PAX6: variants seen among roughly 807,000 people sequenced by gnomAD.
PAX6 encodes paired box 6, also known as paired box protein Pax-6.
Under a neutral mutation model 60.7 loss-of-function variants are expected in PAX6, and 7 were observed. That is an observed-to-expected ratio of 0.12 (90% CI 0.07 to 0.22). The LOEUF (loss-of-function observed/expected upper bound fraction) is 0.22. PAX6 is among the 10% of genes least tolerant of loss of function. PAX6 has a pLI of 1.00. For synonymous variants in PAX6, 208 were observed against 201.2 expected (o/e 1.03, Z -0.29); for missense variants, 355 against 555.2 (o/e 0.64, Z 3.62).
chr11:31,792,476 G>A (rs1338461961), intron 12 of PAX6: 1 of 152,182 alleles, frequency 6.6e-6, no homozygotes, highest in Non-Finnish European at 1.5e-5. Context: ...GTTCAATGGA[G>A]AATAAACAAT....
chr11:31,800,640 G>T lies in PAX6; in HGVS notation c.565+51C>A, dbSNP rs377397243. On this transcript the variant is annotated intron_variant, in intron 8 of 13. Transcript: ENST00000640368. Reference sequence around the variant, plus strand: ...AAATGGTTGGGAGAGTAGGGGACAGGCAAAGGGATGCACATATGGAGAGCT... The same window carrying T: ...AAATGGTTGGGAGAGTAGGGGACAGTCAAAGGGATGCACATATGGAGAGCT... 1.6e-5 allele frequency: 25 copies of T among 1,601,734 alleles called. No homozygotes were observed. The African/African-American group carries it at 3.1e-4, about 20-fold the overall frequency.
chr11:31,809,081 C>T (rs995934088), intron 2 of PAX6, among the ~76,000 whole-genome samples: 3 of 152,182 alleles, frequency 2.0e-5, no homozygotes, highest in Admixed American at 6.5e-5. Context: ...ACTTAATTCT[C>T]AAATTCCATC....
At chr11:31,793,924 T>A (rs942765836) in intron 10 of PAX6, 108 bp downstream of exon 10, 2 of 1,311,176 alleles carry the variant, frequency 1.5e-6, no homozygotes, top group East Asian at 2.3e-5. Context: ...TGAACCTTTT[T>A]ATTATATTAG....
chr11:31,813,392 G>A (rs1023858350), upstream of PAX6, among the ~76,000 whole-genome samples: 4 of 103,722 alleles, frequency 3.9e-5, no homozygotes, highest in South Asian at 4.6e-4. Flanking sequence ...GGGGGGGCGG[G>A]GGGGGGGGAA....
upstream of PAX6, among the ~76,000 whole-genome samples, chr11:31,815,454 A>T (rs1282433834): frequency 6.6e-6 from 1 of 151,310 alleles, no homozygotes; most frequent in Non-Finnish European, 1.5e-5. Flanking sequence ...CGGTCCTGCG[A>T]TTTGTCCCGT....
chr11:31,801,246 G>A, intron 7 of PAX6: 1 of 1,369,194 alleles, frequency 7.3e-7, no homozygotes, highest in Non-Finnish European at 9.4e-7. Context: ...GAAAGTTCTG[G>A]CAGGTGGATT....
At chr11:31,803,598 TGA>T (rs1302244364) in intron 4 of PAX6, 2 of 152,292 alleles carry the variant, frequency 1.3e-5, no homozygotes, top group African/African-American at 4.8e-5. Flanking sequence ...AGTGCAGACG[TGA>T]GAGTCAGAGC....
At chr11:31,817,673 G>C (rs1356401770) in intron 1 of PAX6, 2 of 152,206 alleles carry the variant, frequency 1.3e-5, no homozygotes, top group Non-Finnish European at 2.9e-5. Flanking sequence ...TTCCATCTTT[G>C]TATGCCTCCT....
chr11:31,814,839 C>A (rs925428060), upstream of PAX6: 3 of 152,518 alleles, frequency 2.0e-5, no homozygotes, highest in African/African-American at 7.2e-5. Context: ...CCCAGAGCCG[C>A]CCCGTGGCAC....
At chr11:31,796,749 A>G (rs1951697898) in intron 8 of PAX6, among the ~76,000 whole-genome samples, 1 of 152,120 alleles carries the variant, frequency 6.6e-6, no homozygotes, top group Non-Finnish European at 1.5e-5. Context: ...AAGAATGCTG[A>G]GAGGAAAAAG....
In PAX6 at chr11:31,793,170, C is replaced by CATT. The variant is rs556334423; in HGVS notation, c.1074+265_1074+267dup. ...CAAAACATGCCCCACCACCACCCAA[C>CATT]ATTATCAAGGTAACAGTATAATAAA... On this transcript the variant is annotated intron_variant, in intron 12 of 13. Coordinates refer to ENST00000640368, the MANE Select transcript of PAX6 (RefSeq NM_001368894.2). 388 of 634,392 alleles carry CATT rather than the reference C, an allele frequency of 6.1e-4. 3 individuals are homozygous for CATT. The South Asian group carries it at 7.0e-3, about 11-fold the overall frequency. 39.3% of individuals were successfully genotyped at this position (634,392 alleles called of 1,614,324 possible).
intron 13 of PAX6, 94 bp downstream of exon 13, chr11:31,790,616 A>G (rs973761363): frequency 2.5e-6 from 4 of 1,586,434 alleles, no homozygotes; most frequent in Middle Eastern, 1.8e-4. Context: ...AAGGAGTTAA[A>G]CACGCCCTCC....
chr11:31,810,757 G>C lies in PAX6; in HGVS notation c.-129+71C>G, dbSNP rs560297999. On this transcript the variant is annotated intron_variant, in intron 2 of 13. Coordinates refer to ENST00000640368, the MANE Select transcript of PAX6 (RefSeq NM_001368894.2). The stretch of plus-strand genomic sequence containing the variant: ...GGACCGGCGAGAGGGGAGGAAGGAA[G>C]GGGGGAGGAAGGGGGAGACCTGTCT... The C allele has an allele frequency of 7.3e-5, 29 of 398,440 alleles. 1 individual carries two copies. The South Asian group carries it at 3.4e-3, about 47-fold the overall frequency. 24.7% of individuals were successfully genotyped at this position (398,440 alleles called of 1,614,324 possible). A position where few individuals can be genotyped will look rare whatever the true frequency, so the allele number is the denominator to read the frequency against.
At position 31,796,462 on chromosome 11, in the gene PAX6, C is replaced by T. The variant is rs1951547832; in HGVS notation, c.566-1674G>A. Reference sequence around the variant, plus strand: ...GGGCGCCTCCGTGCTATTTAGGGCGCTTGGCTGGGGGGATGGAGGGTGGAT... The same window carrying T: ...GGGCGCCTCCGTGCTATTTAGGGCGTTTGGCTGGGGGGATGGAGGGTGGAT... On this transcript the variant is annotated intron_variant, in intron 8 of 13. Transcript: ENST00000640368. Among the ~76,000 whole-genome samples the T allele has an allele frequency of 3.2e-5, 4 of 126,292 alleles. No individual in the cohort carries two copies. In the Admixed American group the frequency reaches 3.5e-4, roughly 11 times the overall value. The allele number at this position is 126,292 out of a possible 152,430, so 82.9% of individuals were successfully genotyped here.
chr11:31,816,296 CA>C (rs1425981210), upstream of PAX6: 34 of 427,624 alleles, frequency 8.0e-5, no homozygotes, highest in Non-Finnish European at 1.7e-5. Flanking sequence ...TCCAGTCATC[CA>C]AATTCTATGA....
chr11:31,815,623 A>T (rs966709855), upstream of PAX6, among the ~76,000 whole-genome samples: 2 of 152,094 alleles, frequency 1.3e-5, no homozygotes, highest in Non-Finnish European at 2.9e-5. Context: ...ATTGATTAGG[A>T]CAAGCTGTTC....
rs755536579 is a variant in PAX6, at chr11:31,802,685, G to A, written c.141+19C>T. ...GAGGGCCGCGGGGGCGGCGAGTGGG[G>A]CGGCGCCGGGAGGATCACCTGCAGA... is the stretch of plus-strand genomic sequence containing the variant. On this transcript the variant is annotated intron_variant, in intron 5 of 13. Transcript: ENST00000640368. 4.4e-5 allele frequency: 70 copies of A among 1,606,068 alleles called. No homozygotes were observed. The highest frequency in any genetic ancestry group is 5.5e-5 in the Non-Finnish European group (65 of 1,175,968).
chr11:31,790,097 CAAAAA>C (rs1171009926), intron 13 of PAX6, 78 bp from the exon 14 acceptor site: 8,935 of 144,030 alleles, frequency 0.062, 79 homozygotes, highest in Middle Eastern at 0.093. Flanking sequence ...TATAGGTTTA[CAAAAA>C]AAAAAAAAAA....
At chr11:31,807,662 G>A (rs573732476) in intron 2 of PAX6, 4 of 152,326 alleles carry the variant, frequency 2.6e-5, no homozygotes, top group African/African-American at 9.6e-5. Context: ...AGTACGAACA[G>A]GAGGGGGTGA....
Sources: gnomAD v4.1 joint callset for allele counts (sites outside exome capture counted in the v4.1 genomes callset) on GRCh38, gnomAD v4.1.1 for gene constraint, MANE v1.5 for transcripts, NCBI Gene and HGNC (gene_info 2026-07-23, HGNC 2026-07-21) for gene names.